HMGCS2: variants seen among roughly 807,000 people sequenced by gnomAD.
The protein encoded by HMGCS2 is hydroxymethylglutaryl-CoA synthase, mitochondrial.
In HMGCS2, 50 loss-of-function variants were observed where a neutral mutation model predicts 57.4. That is an observed-to-expected ratio of 0.87 (90% CI 0.69 to 1.10). HMGCS2 has a LOEUF of 1.10. Ranked by LOEUF, HMGCS2 falls within the 50% of genes least tolerant of loss-of-function variation. The pLI is 0.00. For missense variants in HMGCS2, 627 were observed against 636.5 expected, an observed-to-expected ratio of 0.99 and a Z score of 0.16; for synonymous variants, 254 against 245.1, an observed-to-expected ratio of 1.04 and a Z score of -0.34.
At position 119,752,669 on chromosome 1, in the gene HMGCS2, G is replaced by A. The variant is rs749020250; in HGVS notation, c.1300C>T (p.Pro434Ser). 3.7e-6 allele frequency: 6 copies of A among 1,613,966 alleles called. No homozygotes were observed. The highest frequency in any genetic ancestry group is 5.1e-6 in the Non-Finnish European group (6 of 1,179,976). Residue 434 changes from proline to serine, a missense_variant, in exon 8 of 10, where the codon CCC becomes TCC. By Grantham distance (74) the Pro-to-Ser change is moderately conservative (BLOSUM62 -1). Coordinates refer to ENST00000369406, the MANE Select transcript of HMGCS2 (RefSeq NM_005518.4). ...RVSQDAAPGS[P>S]LDKLVSSTSD... ...GTGCTGGACACCAACTTGTCCAGGG[G>A]AGAGCCTGGGAAGCAAAAGCAAGAT...
chr1:119,757,812 A>G (rs1652901324), intron 4 of HMGCS2, among the ~76,000 whole-genome samples: 1 of 152,200 alleles, frequency 6.6e-6, no homozygotes, highest in Non-Finnish European at 1.5e-5. Context: ...CTCTGACTCT[A>G]CTCTACAGAC....
In HMGCS2 at chr1:119,752,788, G is replaced by A. The variant is rs1652707336; in HGVS notation, c.1295-114C>T. 4.7e-5 allele frequency: 54 copies of A among 1,153,260 alleles called. 1 individual carries two copies. In the South Asian group the frequency reaches 6.3e-4, roughly 14 times the overall value. 71.4% of individuals were successfully genotyped at this position (1,153,260 alleles called of 1,614,324 possible). A position where few individuals can be genotyped will look rare whatever the true frequency, so the allele number is the denominator to read the frequency against. On this transcript the variant is annotated intron_variant, in intron 7 of 9. Transcript: ENST00000369406. The stretch of plus-strand genomic sequence containing the variant: ...GGGAGGTTACACCCTGGAGGAACGT[G>A]TGGTGTGTGTGGCTTAGAATACCAA...
At chr1:119,754,066 T>C (rs1178079315) in intron 6 of HMGCS2, among the ~76,000 whole-genome samples, 2 of 151,180 alleles carry the variant, frequency 1.3e-5, no homozygotes, top group African/African-American at 2.4e-5. Flanking sequence ...TAATTTTTTT[T>C]TTTTTTTTGA....
chr1:119,758,075 T>G (rs1385807095), intron 4 of HMGCS2, among the ~76,000 whole-genome samples: 1 of 152,220 alleles, frequency 6.6e-6, no homozygotes, highest in African/African-American at 2.4e-5. Context: ...CCCACTGCAG[T>G]AGAAAGGGAC....
chr1:119,754,413 C>T (rs1290083312), intron 6 of HMGCS2, among the ~76,000 whole-genome samples: 1 of 152,068 alleles, frequency 6.6e-6, no homozygotes, highest in Non-Finnish European at 1.5e-5. Flanking sequence ...GTTCCCAAGG[C>T]TGGTCTCAAA....
In HMGCS2 at chr1:119,755,501, G is replaced by C; in HGVS notation, c.1113C>G (p.Ser371=). 6.2e-7 allele frequency: 1 copy of C among 1,614,108 alleles called. No individual in the cohort carries two copies. The highest frequency in any genetic ancestry group is 8.5e-7 in the Non-Finnish European group (1 of 1,180,022). Residue 371 remains serine, a synonymous_variant, in exon 6 of 10, where the codon TCC becomes TCG. Coordinates refer to ENST00000369406, the MANE Select transcript of HMGCS2 (RefSeq NM_005518.4). ...QDMFDKKTKA[S]LYLSTHNGNM... is the part of the protein sequence containing the mutation. ...TCCCATTGTGAGTGGAGAGGTAAAG[G>C]GAAGCCTTGGTTTTCTTGTCGAACA...
At chr1:119,749,130 A>G (rs1414055338) in intron 9 of HMGCS2, among the ~76,000 whole-genome samples, 2 of 152,182 alleles carry the variant, frequency 1.3e-5, no homozygotes, top group African/African-American at 4.8e-5. Context: ...CTCCACCATG[A>G]GCACTGCACT....
rs770478547 is a variant in HMGCS2 at position 119,764,273 on chromosome 1, C to T, written c.458G>A (p.Gly153Asp). Residue 153 changes from glycine to aspartate, a missense_variant, in exon 2 of 10, where the codon GGC becomes GAC. By Grantham distance (94) the Gly-to-Asp change is moderately conservative. Coordinates refer to ENST00000369406, the MANE Select transcript of HMGCS2 (RefSeq NM_005518.4). ...TVLMELFQDS[G>D]NTDIEGIDTT... ...ATCTATGCCCTCAATATCAGTATTG[C>T]CTGAATCCTGGAAGAGTTCCATGAG... 13 of 1,614,174 alleles carry T rather than the reference C, an allele frequency of 8.1e-6. No individual in the cohort carries two copies. The highest frequency in any genetic ancestry group is 2.2e-5 in the East Asian group (1 of 44,880).
chr1:119,764,468 A>G lies in HMGCS2; in HGVS notation c.263T>C (p.Leu88Ser), dbSNP rs1270679177. 6.2e-7 allele frequency: 1 copy of G among 1,612,854 alleles called. No homozygotes were observed. The highest frequency in any genetic ancestry group is 1.1e-5 in the South Asian group (1 of 91,068). ...NVEAGKYTVG[L>S]GQTRMGFCSV... ...GCAGAAGCCCATACGGGTCTGGCCC[A>G]AGCCCACTGTATACTTTCCTGCTTC... Residue 88 changes from leucine to serine, a missense_variant, in exon 2 of 10, where the codon TTG (leucine) becomes TCG (serine). Leu to Ser is a moderately radical substitution (Grantham distance 145). Transcript: ENST00000369406.
intron 9 of HMGCS2, among the ~76,000 whole-genome samples, chr1:119,750,233 G>C (rs1372623798): frequency 2.6e-5 from 4 of 152,146 alleles, no homozygotes; most frequent in Non-Finnish European, 5.9e-5. Context: ...CCACACATTG[G>C]TGTGTACCAT....
chr1:119,764,077 A>T, intron 2 of HMGCS2, 95 bp downstream of exon 2: 1 of 1,013,050 alleles, frequency 9.9e-7, no homozygotes, highest in Non-Finnish European at 1.5e-6. Context: ...TTCCTTCACT[A>T]GATGAAGCCA....
chr1:119,764,656 C>T (rs371588866), intron 1 of HMGCS2, 30 bp from the exon 2 acceptor site: 16 of 1,512,844 alleles, frequency 1.1e-5, no homozygotes, highest in Non-Finnish European at 1.4e-5. Context: ...CAAACTCCCA[C>T]TAATGGTCTG....
chr1:119,768,486 G>A (rs1653312212), intron 1 of HMGCS2, among the ~76,000 whole-genome samples: 1 of 152,224 alleles, frequency 6.6e-6, no homozygotes, highest in African/African-American at 2.4e-5. Context: ...GCTTCATGCA[G>A]CTGGCAGAGT....
chr1:119,761,292 A>C (rs1653029997), intron 2 of HMGCS2, among the ~76,000 whole-genome samples: 1 of 150,990 alleles, frequency 6.6e-6, no homozygotes, highest in Admixed American at 6.6e-5. Context: ...ACACATTTTG[A>C]AAACTTTAGA....
intron 9 of HMGCS2, among the ~76,000 whole-genome samples, chr1:119,750,524 T>G (rs1652619550): frequency 6.6e-6 from 1 of 152,212 alleles, no homozygotes; most frequent in African/African-American, 2.4e-5. Flanking sequence ...TTTTAATTGG[T>G]CTTTATGGTA....
At chr1:119,768,683 A>G (rs2101283253) in intron 1 of HMGCS2, 58 bp downstream of exon 1, 1 of 1,287,668 alleles carries the variant, frequency 7.8e-7, no homozygotes, top group South Asian at 1.2e-5. Context: ...GTTTTCCCCA[A>G]TAGCAGGGAA....
At position 119,755,687 on chromosome 1, in the gene HMGCS2, T is replaced by C. The variant is rs587726378; in HGVS notation, c.1017-90A>G. On this transcript the variant is annotated intron_variant, in intron 5 of 9. Coordinates refer to ENST00000369406, the MANE Select transcript of HMGCS2 (RefSeq NM_005518.4). ...AAAGTAACAGCTTCTGGAGAGGACT[T>C]TGGGGCGCATGTTTTTCCTACAATA... The C allele has an allele frequency of 1.6e-5, 19 of 1,155,486 alleles. No homozygotes were observed. The African/African-American group carries it at 2.0e-4, about 12-fold the overall frequency. The allele number at this position is 1,155,486 out of a possible 1,614,324, so 71.6% of individuals were successfully genotyped here. A position where few individuals can be genotyped will look rare whatever the true frequency, so the allele number is the denominator to read the frequency against.
intron 9 of HMGCS2, among the ~76,000 whole-genome samples, chr1:119,749,376 C>A (rs1652568962): frequency 6.7e-6 from 1 of 149,662 alleles, no homozygotes; most frequent in African/African-American, 2.5e-5. Context: ...TCTCCCCAAC[C>A]TCTCTCTCTC....
chr1:119,753,488 C>A, intron 6 of HMGCS2, 102 bp from the exon 7 acceptor site: 1 of 720,736 alleles, frequency 1.4e-6, no homozygotes, highest in Non-Finnish European at 2.5e-6. Flanking sequence ...TCAAATAGAA[C>A]AACAGCCTAT....
Sources: allele counts gnomAD v4.1 joint callset (sites outside exome capture counted in the v4.1 genomes callset), GRCh38; gene constraint gnomAD v4.1.1; transcripts MANE v1.5; gene names NCBI Gene and HGNC (gene_info 2026-07-23, HGNC 2026-07-21).